Variants in SLC12A7 observed in about 807,000 individuals in gnomAD.
SLC12A7 encodes K-Cl cotransporter 4.
A neutral mutation model predicts 120.6 loss-of-function variants in SLC12A7; 100 were observed. The observed-to-expected ratio is 0.83, with a 90% CI of 0.71 to 0.98. The LOEUF (loss-of-function observed/expected upper bound fraction) is 0.98, where lower values mean the gene tolerates loss of function less well. SLC12A7 is among the 50% of genes least tolerant of loss of function. The probability of loss-of-function intolerance (pLI) is 0.00; values close to 1 mark genes in which losing one functional copy is unlikely to be tolerated. For missense variants in SLC12A7, 1,373 were observed against 1,548.1 expected, an observed-to-expected ratio of 0.89 and a Z score of 1.90; for synonymous variants, 760 against 678.0, an observed-to-expected ratio of 1.12 and a Z score of -1.88.
At chr5:1,061,330 T>C (rs1336284697) in intron 20 of SLC12A7, among the ~76,000 whole-genome samples, 1 of 4,534 alleles carries the variant, frequency 2.2e-4, no homozygotes, top group African/African-American at 2.4e-4. Context: ...CCGTGCGGGA[T>C]CCCTGAGTCT....
the SLC12A7 span, among the ~76,000 whole-genome samples, chr5:1,124,382 AAC>A: frequency 2.5e-3 from 380 of 152,366 alleles, 4 homozygotes; most frequent in African/African-American, 8.8e-3. Context: ...GGTCAAAGAA[AAC>A]ACAGAGGACA....
intron 17 of SLC12A7, among the ~76,000 whole-genome samples, chr5:1,065,803 C>T (rs1313543746): frequency 1.3e-5 from 2 of 152,046 alleles, no homozygotes; most frequent in Non-Finnish European, 2.9e-5. Context: ...CCAGTTCACT[C>T]GGACGCTCTG....
intron 17 of SLC12A7, among the ~76,000 whole-genome samples, chr5:1,070,514 GC>G (rs1235026707): frequency 0.037 from 20 of 544 alleles, 1 homozygote; most frequent in African/African-American, 0.053. Context: ...CACTTATGCA[GC>G]CCCCAGTGAG....
intron 22 of SLC12A7, among the ~76,000 whole-genome samples, chr5:1,056,748 G>T (rs1223776692): frequency 2.0e-5 from 3 of 152,196 alleles, no homozygotes; most frequent in Admixed American, 1.3e-4. Flanking sequence ...TGGCTTTAGG[G>T]TCTGGCTCTG....
intron 12 of SLC12A7, among the ~76,000 whole-genome samples, chr5:1,077,058 G>GCCCCC (rs58129045): frequency 2.5e-4 from 37 of 147,148 alleles, no homozygotes; most frequent in African/African-American, 8.4e-4. Flanking sequence ...GCCCCAGCCT[G>GCCCCC]CCCCCCCGCC....
At chr5:1,108,917 GC>G (rs1742775023) in intron 1 of SLC12A7, among the ~76,000 whole-genome samples, 1 of 152,148 alleles carries the variant, frequency 6.6e-6, no homozygotes, top group Non-Finnish European at 1.5e-5. Flanking sequence ...AGGCAGGACC[GC>G]CCCTGGACAA....
At chr5:1,138,219 A>G in the SLC12A7 span, among the ~76,000 whole-genome samples, 1 of 152,134 alleles carries the variant, frequency 6.6e-6, no homozygotes, top group African/African-American at 2.4e-5. Flanking sequence ...AACCTTCCAC[A>G]TCATTGAAAT....
At chr5:1,078,469 C>T (rs1209440692) in intron 11 of SLC12A7, 2 of 600,062 alleles carry the variant, frequency 3.3e-6, no homozygotes, top group African/African-American at 1.9e-5. Flanking sequence ...AGGGCCTGCG[C>T]CCCCAGCCGC....
At position 1,068,681 on chromosome 5, in the gene SLC12A7, C is replaced by CAGGAGTCCGCAA. The variant is rs559721568; in HGVS notation, c.2242-3204_2242-3203insTTGCGGACTCCT. Among the ~76,000 whole-genome samples the CAGGAGTCCGCAA allele has an allele frequency of 1.2e-3, 178 of 152,318 alleles. 1 individual carries two copies. The highest frequency in any genetic ancestry group is 6.7e-3 in the Admixed American group (102 of 15,310). ...GCGCTCGTCCTCCCGTCCGCAAGAG[C>CAGGAGTCCGCAA]GGGCTCCTGTCTGAGGCTGCCCCAG... On this transcript the variant is annotated intron_variant, in intron 17 of 23. Transcript: ENST00000264930.
chr5:1,117,205 G>A, the SLC12A7 span, among the ~76,000 whole-genome samples: 8 of 152,140 alleles, frequency 5.3e-5, no homozygotes, highest in Admixed American at 2.0e-4. This position sits in a 1 kb window ranked among gnomAD's most constrained non-coding sequence, Gnocchi z 4.5. Flanking sequence ...CCTGGCCTGC[G>A]GGGGTGGGGG....
chr5:1,052,132 G>C lies in SLC12A7; in HGVS notation c.*228C>G, dbSNP rs543315840. The C allele has an allele frequency of 3.5e-6, 2 of 577,440 alleles. No individual in the cohort carries two copies. Among genetic ancestry groups the C allele is most frequent in the Middle Eastern group, 4.0e-4 (1 of 2,478 alleles). The allele number at this position is 577,440 out of a possible 1,614,324, so 35.8% of individuals were successfully genotyped here. ...CCGGTAGCAGCGTCTGCCCTCAGAT[G>C]CAAGGAAATCGTCCAGCCACGCCCT... On this transcript the variant is annotated 3_prime_UTR_variant, in exon 24 of 24. Coordinates refer to ENST00000264930, the MANE Select transcript of SLC12A7 (RefSeq NM_006598.3).
At chr5:1,064,868 A>AGGAGATGGTGAGGGGTCC (rs1736803500) in intron 18 of SLC12A7, among the ~76,000 whole-genome samples, 59 of 70,590 alleles carry the variant, frequency 8.4e-4, no homozygotes, top group Admixed American at 1.2e-3. Context: ...GCGAGGGGAC[A>AGGAGATGGTGAGGGGTCC]GCGAGGGGAC....
At chr5:1,080,686 C>T (rs1331404268) in intron 9 of SLC12A7, among the ~76,000 whole-genome samples, 2 of 152,206 alleles carry the variant, frequency 1.3e-5, no homozygotes, top group Non-Finnish European at 2.9e-5. Flanking sequence ...GGCCTGGCCC[C>T]ACCCCCTGGG....
At chr5:1,082,974 T>C (rs534404130) in intron 8 of SLC12A7, among the ~76,000 whole-genome samples, 9 of 47,188 alleles carry the variant, frequency 1.9e-4, no homozygotes, top group Non-Finnish European at 3.6e-4. Flanking sequence ...CTGGGCTTCC[T>C]CTCTAGGGTT....
At chr5:1,058,114 G>A (rs1404750717) in intron 21 of SLC12A7, among the ~76,000 whole-genome samples, 2 of 152,240 alleles carry the variant, frequency 1.3e-5, no homozygotes, top group Non-Finnish European at 2.9e-5. Flanking sequence ...GCCAGGGGAC[G>A]TTTGGGGGCC....
chr5:1,153,300 G>T, the SLC12A7 span, among the ~76,000 whole-genome samples: 3 of 152,222 alleles, frequency 2.0e-5, no homozygotes, highest in Admixed American at 6.5e-5. Context: ...GGCCTGAACG[G>T]GGTCTCCCAC....
the SLC12A7 span, among the ~76,000 whole-genome samples, chr5:1,127,529 C>G: frequency 6.6e-6 from 1 of 152,230 alleles, no homozygotes; most frequent in African/African-American, 2.4e-5. Flanking sequence ...TTCTCCACCA[C>G]TGAGAAGGCA....
chr5:1,052,610 C>T lies in SLC12A7; in HGVS notation c.3161-159G>A, dbSNP rs1398724474. 2.3e-5 allele frequency among the ~76,000 whole-genome samples: 3 copies of T among 133,006 alleles called. No individual in the cohort carries two copies. In the Admixed American group the frequency reaches 2.4e-4, roughly 10 times the overall value. 87.3% of individuals were successfully genotyped at this position (133,006 alleles called of 152,430 possible). On this transcript the variant is annotated intron_variant, in intron 23 of 23. Coordinates refer to ENST00000264930, the MANE Select transcript of SLC12A7 (RefSeq NM_006598.3). Reference sequence around the variant, plus strand: ...AGAGGTGGGGATTAGAGAGACCCCCCAGGCGGGGAGGAGCAGGGCAGGGGA... The same window carrying T: ...AGAGGTGGGGATTAGAGAGACCCCCTAGGCGGGGAGGAGCAGGGCAGGGGA...
Position 1,076,771 on chromosome 5 carries a change from C to T in SLC12A7, c.1671G>A (p.Ala557=), listed in dbSNP as rs149499360. 2.0e-5 allele frequency: 32 copies of T among 1,611,218 alleles called. No homozygotes were observed. Among genetic ancestry groups the T allele is most frequent in the African/African-American group, 2.7e-5 (2 of 75,038 alleles). ...CGCAGATGAGGACTGTCAGCAGCAG[C>T]GCCCACGTGGGCTCCCCGTTGGCCT... ...HGKANGEPTW[A]LLLTVLICET... Residue 557 remains alanine (A), a synonymous_variant, in exon 13 of 24, where the codon GCG becomes GCA. Coordinates refer to ENST00000264930, the MANE Select transcript of SLC12A7 (RefSeq NM_006598.3).
Sources: allele counts gnomAD v4.1 joint callset (sites outside exome capture counted in the v4.1 genomes callset), GRCh38; gene constraint gnomAD v4.1.1; non-coding constraint Gnocchi (gnomAD v3.1); transcripts MANE v1.5; gene names NCBI Gene and HGNC (gene_info 2026-07-23, HGNC 2026-07-21).